The following IYD variants were observed in gnomAD, a reference collection of about 807,000 sequenced individuals.
IYD encodes iodotyrosine deiodinase 1.
In IYD, 25 loss-of-function variants were observed where a neutral mutation model predicts 28.4. The observed-to-expected ratio is 0.88, with a 90% CI of 0.64 to 1.23. IYD has a LOEUF of 1.23. Among genes scored for constraint, IYD ranks in the 50% most tolerant of loss-of-function variants. The probability of loss-of-function intolerance (pLI) is 0.00; values close to 1 mark genes in which losing one functional copy is unlikely to be tolerated. For synonymous variants in IYD, 140 were observed against 130.8 expected (o/e 1.07, Z -0.48); for missense variants, 352 against 357.9 (o/e 0.98, Z 0.13).
rs1183732638 is a variant in IYD at position 150,398,547 on chromosome 6, A to G, written c.*310A>G. The G allele has an allele frequency of 3.6e-6, 1 of 274,966 alleles. No individual in the cohort carries two copies. The highest frequency in any genetic ancestry group is 2.2e-5 in the African/African-American group (1 of 45,766). 17.0% of individuals were successfully genotyped at this position (274,966 alleles called of 1,614,324 possible). A position where few individuals can be genotyped will look rare whatever the true frequency, so the allele number is the denominator to read the frequency against. The stretch of plus-strand genomic sequence containing the variant: ...TTTTTCTTTTATTTTTAAAAAACTC[A>G]CATAGAGGAGACAATCAGAAATTTA... On this transcript the variant is annotated 3_prime_UTR_variant, in exon 5 of 5. Coordinates refer to ENST00000344419, the MANE Select transcript of IYD (RefSeq NM_203395.3).
At chr6:150,383,383 C>T (rs625825) in intron 1 of IYD, among the ~76,000 whole-genome samples, 86,435 of 151,980 alleles carry the variant, frequency 0.57, 24,952 homozygotes, top group African/African-American at 0.65. Flanking sequence ...TTGGAAAATA[C>T]ATAATACTCT....
chr6:150,405,233 A>T lies in IYD; in HGVS notation c.*6996A>T, dbSNP rs1562329118. 6.6e-6 allele frequency: 1 copy of T among 152,268 alleles called. No individual in the cohort carries two copies. Among genetic ancestry groups the T allele is most frequent in the Admixed American group, 6.5e-5 (1 of 15,282 alleles). The allele number at this position is 152,268 out of a possible 1,614,324, so 9.4% of individuals were successfully genotyped here. On this transcript the variant is annotated 3_prime_UTR_variant, in exon 5 of 5. Coordinates refer to ENST00000344419, the MANE Select transcript of IYD (RefSeq NM_203395.3). ...CCATCTGCCAGGCCCTCCCTGGTCTAGACCTTCAGCCTTGACCTTGCCCTG... is the reference window on the plus strand; with the variant it reads ...CCATCTGCCAGGCCCTCCCTGGTCTTGACCTTCAGCCTTGACCTTGCCCTG...
intron 1 of IYD, among the ~76,000 whole-genome samples, chr6:150,379,947 T>A (rs924241621): frequency 6.6e-6 from 1 of 152,242 alleles, no homozygotes; most frequent in African/African-American, 2.4e-5. Context: ...TGCCCCATGC[T>A]ATGCATGTTA....
chr6:150,375,510 C>T (rs969766578), intron 1 of IYD, among the ~76,000 whole-genome samples: 5 of 152,156 alleles, frequency 3.3e-5, no homozygotes, highest in Non-Finnish European at 7.3e-5. Flanking sequence ...CAAACAAAAG[C>T]CTTGTGACTC....
chr6:150,396,582 G>GT (rs1778320272), intron 4 of IYD: 2 of 642,700 alleles, frequency 3.1e-6, no homozygotes, highest in African/African-American at 3.8e-5. Flanking sequence ...TCTCAAAAAA[G>GT]TTTAAGACTT....
intron 1 of IYD, chr6:150,370,799 A>G (rs1456193539): frequency 6.1e-6 from 2 of 328,324 alleles, no homozygotes; most frequent in South Asian, 2.4e-4. Context: ...GAAAAGGAGG[A>G]GAGAGGGAGA....
Position 150,402,764 on chromosome 6 carries a change from T to C in IYD, c.*4527T>C, listed in dbSNP as rs145130559. ...AATGGAAACTTCCATCAAGGAGTAC[T>C]GGAGGACAGTTCAGTATTTCTTCTT... is the stretch of plus-strand genomic sequence containing the variant. On this transcript the variant is annotated 3_prime_UTR_variant, in exon 5 of 5. Transcript: ENST00000344419. 6.6e-6 allele frequency: 1 copy of C among 152,344 alleles called. No homozygotes were observed. Among genetic ancestry groups the C allele is most frequent in the African/African-American group, 2.4e-5 (1 of 41,590 alleles). The allele number at this position is 152,344 out of a possible 1,614,324, so 9.4% of individuals were successfully genotyped here.
Position 150,401,029 on chromosome 6 carries a change from G to C in IYD, c.*2792G>C, listed in dbSNP as rs1402555078. 6.6e-6 allele frequency: 1 copy of C among 152,102 alleles called. No individual in the cohort carries two copies. Among genetic ancestry groups the C allele is most frequent in the Non-Finnish European group, 1.5e-5 (1 of 68,026 alleles). 9.4% of individuals were successfully genotyped at this position (152,102 alleles called of 1,614,324 possible). A position where few individuals can be genotyped will look rare whatever the true frequency, so the allele number is the denominator to read the frequency against. ...ATTGACAACTTACTCCAGGAAAAAAGGTGTGTGTATAGGTGTGTGTTTGGA... is the reference window on the plus strand; with the variant it reads ...ATTGACAACTTACTCCAGGAAAAAACGTGTGTGTATAGGTGTGTGTTTGGA... On this transcript the variant is annotated 3_prime_UTR_variant, in exon 5 of 5. Transcript: ENST00000344419.
chr6:150,379,006 C>A (rs1236914094), intron 1 of IYD, among the ~76,000 whole-genome samples: 1 of 152,170 alleles, frequency 6.6e-6, no homozygotes, highest in Non-Finnish European at 1.5e-5. Context: ...CTTCAAAGCT[C>A]ACACATTTCC....
chr6:150,395,474 T>C (rs1778277533), intron 4 of IYD: 1 of 1,537,124 alleles, frequency 6.5e-7, no homozygotes, highest in African/African-American at 1.4e-5. Flanking sequence ...GGAATCACCA[T>C]GCGGCATCAG....
At position 150,403,544 on chromosome 6, in the gene IYD, C is replaced by T. The variant is rs1778566871; in HGVS notation, c.*5307C>T. ...GGGTAGTGGAGGGAATGGGCTGACG[C>T]ATCTAAGGCTGATGCCAGGTCTGCT... On this transcript the variant is annotated 3_prime_UTR_variant, in exon 5 of 5. Coordinates refer to ENST00000344419, the MANE Select transcript of IYD (RefSeq NM_203395.3). 6.6e-6 allele frequency: 1 copy of T among 152,228 alleles called. No individual in the cohort carries two copies. Among genetic ancestry groups the T allele is most frequent in the Non-Finnish European group, 1.5e-5 (1 of 68,066 alleles). 9.4% of individuals were successfully genotyped at this position (152,228 alleles called of 1,614,324 possible).
rs1175222210 is a variant in IYD at position 150,401,030 on chromosome 6, G to A, written c.*2793G>A. 2 of 152,160 alleles carry A rather than the reference G, an allele frequency of 1.3e-5. No individual in the cohort carries two copies. The highest frequency in any genetic ancestry group is 6.5e-5 in the Admixed American group (1 of 15,274). 9.4% of individuals were successfully genotyped at this position (152,160 alleles called of 1,614,324 possible). Reference sequence around the variant, plus strand: ...TTGACAACTTACTCCAGGAAAAAAGGTGTGTGTATAGGTGTGTGTTTGGAG... The same window carrying A: ...TTGACAACTTACTCCAGGAAAAAAGATGTGTGTATAGGTGTGTGTTTGGAG... On this transcript the variant is annotated 3_prime_UTR_variant, in exon 5 of 5. Transcript: ENST00000344419.
chr6:150,372,629 T>G (rs1777303450), intron 1 of IYD, among the ~76,000 whole-genome samples: 1 of 42,174 alleles, frequency 2.4e-5, no homozygotes, highest in Non-Finnish European at 4.9e-5. Context: ...TAGACATGTG[T>G]GTGTATGGGT....
chr6:150,381,737 T>C (rs979799502), intron 1 of IYD, among the ~76,000 whole-genome samples: 2 of 152,214 alleles, frequency 1.3e-5, no homozygotes, highest in Non-Finnish European at 2.9e-5. Flanking sequence ...ATTAAAATTA[T>C]ACTGTTTATA....
intron 1 of IYD, among the ~76,000 whole-genome samples, chr6:150,372,454 G>GTT (rs1562308904): frequency 6.2e-5 from 4 of 64,250 alleles, no homozygotes; most frequent in Non-Finnish European, 1.2e-4. Flanking sequence ...TGGGTGGGGT[G>GTT]GGGGGTGGTG....
intron 1 of IYD, chr6:150,384,574 G>T (rs2115037453): frequency 6.6e-6 from 1 of 152,124 alleles, no homozygotes; most frequent in South Asian, 2.1e-4. Context: ...TTATATTTTT[G>T]CCATCCAAAC....
chr6:150,401,674 T>C lies in IYD; in HGVS notation c.*3437T>C, dbSNP rs1778514503. ...TCATTAAATGCAGTCATGTGACAAC[T>C]GTGTTCAAAGTTAGAAATAGTGGTC... On this transcript the variant is annotated 3_prime_UTR_variant, in exon 5 of 5. Transcript: ENST00000344419. 1 of 152,316 alleles carries C rather than the reference T, an allele frequency of 6.6e-6. No individual in the cohort carries two copies. The highest frequency in any genetic ancestry group is 3.4e-3 in the Middle Eastern group (1 of 294). The allele number at this position is 152,316 out of a possible 1,614,324, so 9.4% of individuals were successfully genotyped here.
chr6:150,388,326 T>C lies in IYD; in HGVS notation c.179-1026T>C, dbSNP rs142487412. On this transcript the variant is annotated intron_variant, in intron 1 of 4. Transcript: ENST00000344419. ...CTGTCACCCTTAATCCCTGAAGATA[T>C]AAAAATGGAATTCAAATGTGTAGGG... Among the ~76,000 whole-genome samples the C allele has an allele frequency of 3.8e-3, 583 of 152,288 alleles. 3 individuals are homozygous for C. Among genetic ancestry groups the C allele is most frequent in the African/African-American group, 0.013 (526 of 41,558 alleles).
At chr6:150,395,578 G>T in intron 4 of IYD, 5 of 1,535,582 alleles carry the variant, frequency 3.3e-6, no homozygotes, top group Non-Finnish European at 4.4e-6. Flanking sequence ...TGCCTCTGCA[G>T]CAGGCAGTCT....
Sources: gnomAD v4.1 joint callset for allele counts (sites outside exome capture counted in the v4.1 genomes callset) on GRCh38, gnomAD v4.1.1 for gene constraint, MANE v1.5 for transcripts, NCBI Gene and HGNC (gene_info 2026-07-23, HGNC 2026-07-21) for gene names.